Variants in TENM3 observed in about 807,000 individuals in gnomAD.
The protein encoded by TENM3 is teneurin-3.
Under a neutral mutation model 255.1 loss-of-function variants are expected in TENM3, and 63 were observed. That is an observed-to-expected ratio of 0.25 (90% CI 0.20 to 0.30). The LOEUF is 0.30. Ranked by LOEUF, TENM3 falls within the 10% of genes least tolerant of loss-of-function variation. TENM3 has a pLI of 1.00. For missense variants in TENM3, 2,929 were observed against 3,461.1 expected (o/e 0.85, Z 3.86); for synonymous variants, 1,306 against 1,322.3 (o/e 0.99, Z 0.27).
chr4:182,126,904 G>T, the TENM3 span, among the ~76,000 whole-genome samples: 1 of 152,174 alleles, frequency 6.6e-6, no homozygotes, highest in Non-Finnish European at 1.5e-5. Context: ...TTTCCTGAGG[G>T]ACTGGAGCTA....
intron 3 of TENM3, among the ~76,000 whole-genome samples, chr4:182,470,249 C>CA (rs1373997383): frequency 6.6e-6 from 1 of 152,144 alleles, no homozygotes; most frequent in African/African-American, 2.4e-5. Context: ...CTATAGTAAA[C>CA]AGAGAAAGGC....
chr4:182,426,767 T>C (rs1446466590), intron 3 of TENM3, among the ~76,000 whole-genome samples: 1 of 152,230 alleles, frequency 6.6e-6, no homozygotes, highest in East Asian at 1.9e-4. Context: ...TTTGATGTGA[T>C]TCTGAACCTA....
chr4:182,098,961 TTC>T, the TENM3 span, among the ~76,000 whole-genome samples: 16 of 145,980 alleles, frequency 1.1e-4, no homozygotes, highest in Non-Finnish European at 1.7e-4. Flanking sequence ...AACTCTTTTT[TTC>T]TTTTTTTTTT....
At chr4:182,016,943 C>T in the TENM3 span, among the ~76,000 whole-genome samples, 3 of 152,134 alleles carry the variant, frequency 2.0e-5, no homozygotes, top group Non-Finnish European at 2.9e-5. Context: ...ATAATTTGGG[C>T]TAGTCAGATT....
At chr4:182,321,934 G>A (rs1763078878) in intron 1 of TENM3, among the ~76,000 whole-genome samples, 1 of 152,032 alleles carries the variant, frequency 6.6e-6, no homozygotes, top group Non-Finnish European at 1.5e-5. Flanking sequence ...AACAGAGCGA[G>A]ATTCCGTCTA....
the TENM3 span, among the ~76,000 whole-genome samples, chr4:182,059,072 C>G: frequency 4.0e-5 from 6 of 151,360 alleles, no homozygotes; most frequent in African/African-American, 1.5e-4. Flanking sequence ...TAAGGAGAGG[C>G]GGATGTGAAG....
At chr4:181,545,104 C>T in the TENM3 span, among the ~76,000 whole-genome samples, 3 of 152,192 alleles carry the variant, frequency 2.0e-5, no homozygotes, top group African/African-American at 7.2e-5. Context: ...CACTCCGTTT[C>T]AGATACATTG....
At chr4:181,714,247 C>T in the TENM3 span, among the ~76,000 whole-genome samples, 1 of 152,008 alleles carries the variant, frequency 6.6e-6, no homozygotes, top group Admixed American at 6.6e-5. Flanking sequence ...ACCAATCTGG[C>T]CAACAGGGTA....
chr4:182,439,482 T>C (rs1772300600), intron 3 of TENM3, among the ~76,000 whole-genome samples: 1 of 152,276 alleles, frequency 6.6e-6, no homozygotes, highest in Admixed American at 6.5e-5. Flanking sequence ...ACTTTAGTTT[T>C]AATCTAGGGA....
At chr4:181,914,815 A>G in the TENM3 span, among the ~76,000 whole-genome samples, 3 of 152,230 alleles carry the variant, frequency 2.0e-5, no homozygotes, top group South Asian at 6.2e-4. Context: ...ACAAATTGTC[A>G]ACTGAACCAG....
Position 182,651,855 on chromosome 4 carries a change from G to A in TENM3, c.989-1916G>A, listed in dbSNP as rs535691868. ...TTACTATAGCATGCTTTTATATCAG[G>A]TATTATTAACAAAAGAATGTGGACT... On this transcript the variant is annotated intron_variant, in intron 5 of 27. Transcript: ENST00000511685. Among the ~76,000 whole-genome samples the A allele has an allele frequency of 3.3e-5, 5 of 152,144 alleles. No individual in the cohort carries two copies. In the East Asian group the frequency reaches 5.8e-4, roughly 18 times the overall value.
At chr4:182,112,532 A>C in the TENM3 span, among the ~76,000 whole-genome samples, 1 of 152,226 alleles carries the variant, frequency 6.6e-6, no homozygotes, top group Non-Finnish European at 1.5e-5. Flanking sequence ...GACTATTGAC[A>C]TCCCTCAGCA....
chr4:181,998,711 C>T, the TENM3 span, among the ~76,000 whole-genome samples: 2 of 152,158 alleles, frequency 1.3e-5, no homozygotes, highest in Non-Finnish European at 2.9e-5. Context: ...ATTAAATCAT[C>T]ATTAACCCAT....
intron 3 of TENM3, among the ~76,000 whole-genome samples, chr4:182,368,835 G>T (rs911943621): frequency 1.3e-5 from 2 of 152,202 alleles, no homozygotes; most frequent in Non-Finnish European, 2.9e-5. Flanking sequence ...CAGCTGTCAG[G>T]CAAGATTCTC....
At chr4:182,651,188 A>G (rs1394815952) in intron 5 of TENM3, among the ~76,000 whole-genome samples, 1 of 152,014 alleles carries the variant, frequency 6.6e-6, no homozygotes, top group Non-Finnish European at 1.5e-5. Flanking sequence ...GTGTCTGTCA[A>G]ACATTTTACT....
At chr4:182,618,216 A>C (rs902961698) in intron 4 of TENM3, among the ~76,000 whole-genome samples, 3 of 152,134 alleles carry the variant, frequency 2.0e-5, no homozygotes, top group Admixed American at 6.6e-5. Flanking sequence ...GACTCAAACC[A>C]CTTGGAATAA....
intron 1 of TENM3, among the ~76,000 whole-genome samples, chr4:182,177,862 A>G (rs1752596814): frequency 6.6e-6 from 1 of 151,774 alleles, no homozygotes; most frequent in South Asian, 2.1e-4. Context: ...ATGAGACAAC[A>G]TTTAAATGAT....
At chr4:181,642,364 G>A in the TENM3 span, among the ~76,000 whole-genome samples, 1 of 152,068 alleles carries the variant, frequency 6.6e-6, no homozygotes, top group African/African-American at 2.4e-5. Context: ...GTAGATTCTG[G>A]ATGTTATCCC....
the TENM3 span, among the ~76,000 whole-genome samples, chr4:181,698,090 T>C: frequency 6.6e-6 from 1 of 151,766 alleles, no homozygotes; most frequent in Non-Finnish European, 1.5e-5. Context: ...GGCAGGCGCT[T>C]GTAGTCCCAG....
Sources: allele counts gnomAD v4.1 joint callset (sites outside exome capture counted in the v4.1 genomes callset), GRCh38; gene constraint gnomAD v4.1.1; transcripts MANE v1.5; gene names NCBI Gene and HGNC (gene_info 2026-07-23, HGNC 2026-07-21).